Variants in ZNF318 observed in about 807,000 individuals in gnomAD.
The protein encoded by ZNF318 is zinc finger protein 318, also known as endocrine regulator.
A neutral mutation model predicts 124.2 loss-of-function variants in ZNF318; 51 were observed. That is an observed-to-expected ratio of 0.41 (90% confidence interval 0.33 to 0.52). The LOEUF (loss-of-function observed/expected upper bound fraction) is 0.52, where lower values mean the gene tolerates loss of function less well. Ranked by LOEUF, ZNF318 falls within the 20% of genes least tolerant of loss-of-function variation. The pLI, the probability that ZNF318 is intolerant of heterozygous loss-of-function variation, is 0.23. For missense variants in ZNF318, 2,815 were observed against 2,811.2 expected, an observed-to-expected ratio of 1.00 and a Z score of -0.03; for synonymous variants, 1,090 against 1,040.7, an observed-to-expected ratio of 1.05 and a Z score of -0.91.
chr6:43,337,338 C>T lies in ZNF318; in HGVS notation c.6660G>A (p.Val2220=). 6.2e-7 allele frequency: 1 copy of T among 1,614,136 alleles called. No individual in the cohort carries two copies. Among genetic ancestry groups the T allele is most frequent in the East Asian group, 2.2e-5 (1 of 44,882 alleles). Residue 2220 remains valine (V), a synonymous_variant, in exon 10 of 10, where the codon GTG becomes GTA. Coordinates refer to ENST00000361428, the MANE Select transcript of ZNF318 (RefSeq NM_014345.3). ...LEISNASTTE[V]AILQVDDDSG... is the part of the protein sequence containing the mutation. The stretch of plus-strand genomic sequence containing the variant: ...TGTCATCATCTACTTGCAGAATTGC[C>T]ACCTCTGTGGTGGATGCATTCGATA...
In ZNF318 at chr6:43,348,316, G is replaced by A. The variant is rs1392384363; in HGVS notation, c.3072+8C>T. 3 of 1,597,086 alleles carry A rather than the reference G, an allele frequency of 1.9e-6. No individual in the cohort carries two copies. Among genetic ancestry groups the A allele is most frequent in the Non-Finnish European group, 1.7e-6 (2 of 1,173,668 alleles). ...AAGATGATAGAAATGGAAAAATTGA[G>A]TTGTTACCTTGTTGGAGGAGGAGTT... On this transcript the variant is annotated splice_region_variant and intron_variant, in intron 6 of 9. Coordinates refer to ENST00000361428, the MANE Select transcript of ZNF318 (RefSeq NM_014345.3).
chr6:43,367,271 T>A (rs1779774894), intron 1 of ZNF318, among the ~76,000 whole-genome samples: 1 of 152,102 alleles, frequency 6.6e-6, no homozygotes, highest in Non-Finnish European at 1.5e-5. Context: ...AGGATAGGAG[T>A]TTTTTTCTGG....
At chr6:43,363,943 C>A in intron 2 of ZNF318, 1 of 675,210 alleles carries the variant, frequency 1.5e-6, no homozygotes, top group South Asian at 1.6e-5. Flanking sequence ...GATCCACAAG[C>A]CCCACACCGT....
intron 1 of ZNF318, among the ~76,000 whole-genome samples, chr6:43,366,687 T>G (rs113177211): frequency 0.055 from 8,405 of 152,170 alleles, 267 homozygotes; most frequent in South Asian, 0.12. Flanking sequence ...GCACCTGTAG[T>G]CCCAGCTACT....
intron 2 of ZNF318, among the ~76,000 whole-genome samples, chr6:43,358,270 T>C (rs990516372): frequency 6.6e-6 from 1 of 152,130 alleles, no homozygotes; most frequent in African/African-American, 2.4e-5. Flanking sequence ...TGTTTTGAGA[T>C]GGAGTCTCGC....
At chr6:43,363,714 C>T (rs1260579870) in intron 2 of ZNF318, 3 of 555,778 alleles carry the variant, frequency 5.4e-6, no homozygotes, top group East Asian at 6.4e-5. Flanking sequence ...TCCTGGGGGC[C>T]TCTCTCAAGG....
At chr6:43,368,668 GGAC>G (rs1779793023) in intron 1 of ZNF318, 12 of 985,432 alleles carry the variant, frequency 1.2e-5, no homozygotes, top group Middle Eastern at 5.2e-4. Context: ...CACACGGTTT[GGAC>G]GAAATGCCCC....
At chr6:43,344,541 G>C (rs1386426689) in intron 6 of ZNF318, among the ~76,000 whole-genome samples, 2 of 152,164 alleles carry the variant, frequency 1.3e-5, no homozygotes, top group Non-Finnish European at 2.9e-5. Flanking sequence ...AATCAACAAA[G>C]ATATGTAAAT....
In ZNF318 at chr6:43,357,462, G is replaced by A. The variant is rs982867951; in HGVS notation, c.852C>T (p.Ser284=). 6.2e-7 allele frequency: 1 copy of A among 1,614,050 alleles called. No homozygotes were observed. The highest frequency in any genetic ancestry group is 1.3e-5 in the African/African-American group (1 of 74,912). The change falls in exon 3 of 10, where the codon AGC becomes AGT. Residue 284 remains serine, a synonymous_variant. Coordinates refer to ENST00000361428, the MANE Select transcript of ZNF318 (RefSeq NM_014345.3). Reference sequence around the variant, plus strand: ...TAAAACTTGGGTGATCCCCTCCCATGCTGTTTATCTTCACTGTGTCATCAT... The same window carrying A: ...TAAAACTTGGGTGATCCCCTCCCATACTGTTTATCTTCACTGTGTCATCAT... The part of the protein sequence containing the change: ...PRYDDTVKIN[S]MGGDHPSFTS...
intron 1 of ZNF318, among the ~76,000 whole-genome samples, chr6:43,367,414 A>G (rs1779776385): frequency 6.6e-6 from 1 of 152,228 alleles, no homozygotes; most frequent in South Asian, 2.1e-4. Flanking sequence ...TCCAGAACAA[A>G]CTGGAGGGTA....
chr6:43,338,171 CTCTCT>C lies in ZNF318; in HGVS notation c.5822_5826del (p.Lys1941ArgfsTer9), dbSNP rs1324940702. ...TTAACTTGAAAGTCTTTTGATCTTT[CTCTCT>C]TGAGTTTGAGACTTCTGTACCTAGA... On this transcript the variant is annotated frameshift_variant, in exon 10 of 10. Transcript: ENST00000361428. LOFTEE classifies it low-confidence loss of function (END_TRUNC). 3.7e-6 allele frequency: 6 copies of C among 1,613,954 alleles called. No homozygotes were observed. The highest frequency in any genetic ancestry group is 1.3e-5 in the African/African-American group (1 of 74,918).
chr6:43,352,338 AGTT>A (rs757410819), intron 5 of ZNF318, 36 bp downstream of exon 5: 1 of 1,579,130 alleles, frequency 6.3e-7, no homozygotes, highest in African/African-American at 1.3e-5. Flanking sequence ...CTCCTACGCA[AGTT>A]ATTACAAAAA....
chr6:43,355,635 C>A lies in ZNF318; in HGVS notation c.1699G>T (p.Ala567Ser). 1 of 1,614,186 alleles carries A rather than the reference C, an allele frequency of 6.2e-7. No individual in the cohort carries two copies. The highest frequency in any genetic ancestry group is 1.6e-4 in the Middle Eastern group (1 of 6,062). ...SSESEVMRQK[A>S]SSLPSSAPAV... ...GGAGCTGAAGACGGCAGGGAGCTTG[C>A]CTTCTGCCTCATAACTTCACTCTCA... Residue 567 changes from alanine to serine, a missense_variant, in exon 4 of 10, where the codon GCA becomes TCA. Ala to Ser is a moderately conservative substitution (Grantham distance 99). Coordinates refer to ENST00000361428, the MANE Select transcript of ZNF318 (RefSeq NM_014345.3).
intron 1 of ZNF318, among the ~76,000 whole-genome samples, chr6:43,367,628 T>C (rs1003668226): frequency 1.3e-5 from 2 of 152,220 alleles, no homozygotes; most frequent in African/African-American, 4.8e-5. Flanking sequence ...CAACGGATGA[T>C]GCTATTTACT....
chr6:43,351,805 A>C (rs1779527177), intron 5 of ZNF318, among the ~76,000 whole-genome samples: 1 of 151,876 alleles, frequency 6.6e-6, no homozygotes, highest in South Asian at 2.1e-4. Flanking sequence ...ACACATACAC[A>C]CAAATTGAGA....
rs1779616395 is a variant in ZNF318, at chr6:43,356,992, G to A, written c.1188+134C>T. 4.7e-6 allele frequency: 5 copies of A among 1,066,420 alleles called. No homozygotes were observed. The East Asian group carries it at 1.3e-4, about 27-fold the overall frequency. The allele number at this position is 1,066,420 out of a possible 1,614,324, so 66.1% of individuals were successfully genotyped here. On this transcript the variant is annotated intron_variant, in intron 3 of 9. Coordinates refer to ENST00000361428, the MANE Select transcript of ZNF318 (RefSeq NM_014345.3). ...CTACAGTTTCGTTTGGAGAGTCCTA[G>A]AAGGTGTAGCTCACAATGTCGGTCC...
At chr6:43,367,064 A>G (rs1581653717) in intron 1 of ZNF318, among the ~76,000 whole-genome samples, 1 of 152,264 alleles carries the variant, frequency 6.6e-6, no homozygotes, top group Non-Finnish European at 1.5e-5. Flanking sequence ...GTTAGCCAAC[A>G]TGGTCTCGAT....
Position 43,367,205 on chromosome 6 carries a change from G to A in ZNF318, c.399+1762C>T, listed in dbSNP as rs920955419. Among the ~76,000 whole-genome samples the A allele has an allele frequency of 3.9e-5, 6 of 152,186 alleles. No homozygotes were observed. In the South Asian group the frequency reaches 1.0e-3, roughly 26 times the overall value. ...ACTTAATTACATTTAACATACCATCGCATTTCTAACTTCAACTTATTATCC... is the reference window on the plus strand; with the variant it reads ...ACTTAATTACATTTAACATACCATCACATTTCTAACTTCAACTTATTATCC... On this transcript the variant is annotated intron_variant, in intron 1 of 9. Coordinates refer to ENST00000361428, the MANE Select transcript of ZNF318 (RefSeq NM_014345.3).
chr6:43,348,476 C>T lies in ZNF318; in HGVS notation c.2920G>A (p.Asp974Asn), dbSNP rs770896768. ...EEAEKKQSELDKVAQILGINI... is the reference protein window; with the variant it reads ...EEAEKKQSELNKVAQILGINI... ...ATTCCCAAGATCTGAGCCACTTTGT[C>T]CAGTTCAGATTGCTTCTTTTCTGCC... Residue 974 changes from aspartate (D) to asparagine (N), a missense_variant, in exon 6 of 10, where the codon GAC (aspartate) becomes AAC (asparagine). Transcript: ENST00000361428. 1.2e-6 allele frequency: 2 copies of T among 1,613,972 alleles called. No homozygotes were observed. Among genetic ancestry groups the T allele is most frequent in the Non-Finnish European group, 1.7e-6 (2 of 1,180,028 alleles).
Sources: allele counts gnomAD v4.1 joint callset (sites outside exome capture counted in the v4.1 genomes callset), GRCh38; gene constraint gnomAD v4.1.1; transcripts MANE v1.5; gene names NCBI Gene and HGNC (gene_info 2026-07-23, HGNC 2026-07-21).